The following URI1 variants were observed in gnomAD, a reference collection of about 807,000 sequenced individuals.
URI1 encodes URI1 prefoldin like chaperone.
A neutral mutation model predicts 60.2 loss-of-function variants in URI1; 39 were observed. The ratio of observed to expected loss-of-function variants is 0.65; its 90% CI spans 0.50 to 0.85. URI1 has a LOEUF of 0.85. Ranked by LOEUF, URI1 falls within the 40% of genes least tolerant of loss-of-function variation. The pLI is 0.00. For synonymous variants in URI1, 251 were observed against 236.8 expected, an observed-to-expected ratio of 1.06 and a Z score of -0.55; for missense variants, 691 against 665.9, an observed-to-expected ratio of 1.04 and a Z score of -0.42.
intron 4 of URI1, among the ~76,000 whole-genome samples, chr19:29,998,800 T>C (rs1424800141): frequency 6.6e-6 from 1 of 152,136 alleles, no homozygotes; most frequent in African/African-American, 2.4e-5. Flanking sequence ...GTTTAATCTG[T>C]TTACATGTAT....
intron 1 of URI1, among the ~76,000 whole-genome samples, chr19:29,937,147 G>C (rs2054980335): frequency 6.6e-6 from 1 of 152,146 alleles, no homozygotes; most frequent in Admixed American, 6.5e-5. Flanking sequence ...TGATTCTTCA[G>C]ATCAGCTTTT....
rs566713776 is a variant in URI1 at position 29,970,911 on chromosome 19, TATATC to T, written c.118-277_118-273del. On this transcript the variant is annotated intron_variant, in intron 1 of 10. Coordinates refer to ENST00000392271, the MANE Select transcript of URI1 (RefSeq NM_003796.3). ...AGATTGTACAAAATACTAGTTATCTTATATCATATGTCACCTAATAGTTATGAAGC... is the reference window on the plus strand; with the variant it reads ...AGATTGTACAAAATACTAGTTATCTTATATGTCACCTAATAGTTATGAAGC... Among the ~76,000 whole-genome samples, 14 of 152,224 alleles carry T rather than the reference TATATC, an allele frequency of 9.2e-5. No individual in the cohort carries two copies. In the South Asian group the frequency reaches 2.7e-3, roughly 29 times the overall value.
rs770271018 is a variant in URI1 at position 29,942,577 on chromosome 19, C to A, written c.30C>A (p.Pro10=). ...AGGCGCCCACCGTGGAGACGCCCCC[C>A]GACCCCTCGCCCCCTTCGGCCCCGG... MEAPTVETP[P]DPSPPSAPAP... The change falls in exon 1 of 11, where the codon CCC becomes CCA. Residue 10 remains proline (P), a synonymous_variant. Transcript: ENST00000392271. 47 of 1,425,868 alleles carry A rather than the reference C, an allele frequency of 3.3e-5. No individual in the cohort carries two copies. Among genetic ancestry groups the A allele is most frequent in the African/African-American group, 7.5e-5 (5 of 66,904 alleles). The allele number at this position is 1,425,868 out of a possible 1,614,324, so 88.3% of individuals were successfully genotyped here.
chr19:29,979,856 AT>A (rs1286629016), intron 2 of URI1, among the ~76,000 whole-genome samples: 1 of 152,316 alleles, frequency 6.6e-6, no homozygotes, highest in South Asian at 2.1e-4. Flanking sequence ...ATCAATTGAA[AT>A]TACTGAATAT....
rs552997704 is a variant in URI1, at chr19:29,974,325, G to A, written c.152+3098G>A. ...AAATAAAAAAAAAAGCCAGTGCTTT[G>A]TAAATATTCGTGAATATTTAGTGTT... On this transcript the variant is annotated intron_variant, in intron 2 of 10. Transcript: ENST00000392271. 3.2e-3 allele frequency among the ~76,000 whole-genome samples: 482 copies of A among 152,008 alleles called. 2 individuals are homozygous for A. Among genetic ancestry groups the A allele is most frequent in the Non-Finnish European group, 5.6e-3 (380 of 67,948 alleles).
Position 29,923,887 on chromosome 19 carries a change from G to A in URI1, c.63+133G>A. 5 of 901,040 alleles carry A rather than the reference G, an allele frequency of 5.5e-6. No homozygotes were observed. In the South Asian group the frequency reaches 8.4e-5, roughly 15 times the overall value. The allele number at this position is 901,040 out of a possible 1,614,324, so 55.8% of individuals were successfully genotyped here. ...AGATGGCGCTGTAGACATAGCTATAGACCTGGAAGAGGGGCTTTATAATGG... is the reference window on the plus strand; with the variant it reads ...AGATGGCGCTGTAGACATAGCTATAAACCTGGAAGAGGGGCTTTATAATGG... On this transcript the variant is annotated intron_variant, in intron 1 of 10. Transcript: ENST00000360605.
At chr19:30,013,940 A>G (rs772466554) in intron 10 of URI1, among the ~76,000 whole-genome samples, 1 of 152,014 alleles carries the variant, frequency 6.6e-6, no homozygotes, top group Non-Finnish European at 1.5e-5. Context: ...GGCTTTTTAA[A>G]TTATTTAGGT....
intron 2 of URI1, among the ~76,000 whole-genome samples, chr19:29,979,660 A>C (rs893028463): frequency 1.3e-5 from 2 of 152,114 alleles, no homozygotes; most frequent in Non-Finnish European, 2.9e-5. Context: ...TTATGTTTTT[A>C]TATGCGGGTT....
At chr19:30,014,527 C>G (rs933781124) in intron 10 of URI1, among the ~76,000 whole-genome samples, 13 of 152,102 alleles carry the variant, frequency 8.5e-5, no homozygotes, top group African/African-American at 1.2e-4. Context: ...AGTTTGACAC[C>G]CTAATAGCAT....
At chr19:29,936,013 C>T (rs1488257233) in intron 1 of URI1, among the ~76,000 whole-genome samples, 1 of 152,114 alleles carries the variant, frequency 6.6e-6, no homozygotes, top group African/African-American at 2.4e-5. Context: ...GTCTAGAATG[C>T]CTGACCTCAT....
intron 8 of URI1, 80 bp from the exon 9 acceptor site, chr19:30,011,014 A>T: frequency 6.9e-7 from 1 of 1,439,992 alleles, no homozygotes; most frequent in Non-Finnish European, 9.4e-7. Flanking sequence ...TTATTTTTTT[A>T]GTTATAGAGT....
At chr19:29,976,248 C>T (rs2055521579) in intron 2 of URI1, among the ~76,000 whole-genome samples, 1 of 152,162 alleles carries the variant, frequency 6.6e-6, no homozygotes, top group Admixed American at 6.5e-5. Flanking sequence ...AAACAACCAC[C>T]ATTTACTTGC....
chr19:29,983,856 GGTT>G, intron 2 of URI1, among the ~76,000 whole-genome samples: 1 of 152,222 alleles, frequency 6.6e-6, no homozygotes, highest in African/African-American at 2.4e-5. Context: ...TATACCTTTT[GGTT>G]GTTTGAAATT....
chr19:29,996,857 C>T (rs890703174), intron 4 of URI1, among the ~76,000 whole-genome samples: 2 of 151,480 alleles, frequency 1.3e-5, no homozygotes, highest in Non-Finnish European at 2.9e-5. Context: ...TGGATTCAAT[C>T]GAGATTACCA....
rs166731 is a variant in URI1, at chr19:30,015,209, C to A, written c.*140C>A. ...GGCAACAAGTTCTTTTACCCTTACCCGTGGTATTTGAAAAAAATCAAGGTA... is the reference window on the plus strand; with the variant it reads ...GGCAACAAGTTCTTTTACCCTTACCAGTGGTATTTGAAAAAAATCAAGGTA... On this transcript the variant is annotated 3_prime_UTR_variant, in exon 11 of 11. Transcript: ENST00000392271. 2.1e-3 allele frequency: 3,005 copies of A among 1,422,658 alleles called. 66 individuals are homozygous for A. In the African/African-American group the frequency reaches 0.039, roughly 19 times the overall value. 88.1% of individuals were successfully genotyped at this position (1,422,658 alleles called of 1,614,324 possible).
At position 30,015,568 on chromosome 19, in the gene URI1, C is replaced by T. The variant is rs1245205565; in HGVS notation, c.*499C>T. 51 of 1,534,518 alleles carry T rather than the reference C, an allele frequency of 3.3e-5. No individual in the cohort carries two copies. Among genetic ancestry groups the T allele is most frequent in the African/African-American group, 5.5e-5 (4 of 72,970 alleles). On this transcript the variant is annotated 3_prime_UTR_variant, in exon 11 of 11. Coordinates refer to ENST00000392271, the MANE Select transcript of URI1 (RefSeq NM_003796.3). ...GGCTAGTTGGCTATTCAAGAAACCTCGCCCCTCTGAATGTCATACTGTAAT... is the reference window on the plus strand; with the variant it reads ...GGCTAGTTGGCTATTCAAGAAACCTTGCCCCTCTGAATGTCATACTGTAAT...
At chr19:29,972,442 A>T (rs1271908412) in intron 2 of URI1, among the ~76,000 whole-genome samples, 1 of 152,136 alleles carries the variant, frequency 6.6e-6, no homozygotes, top group Non-Finnish European at 1.5e-5. Flanking sequence ...GGCCCATTTT[A>T]CAAATAATTT....
At chr19:29,970,680 G>A (rs905322558) in intron 1 of URI1, among the ~76,000 whole-genome samples, 1 of 152,050 alleles carries the variant, frequency 6.6e-6, no homozygotes, top group Non-Finnish European at 1.5e-5. Flanking sequence ...TCTTGAAAAT[G>A]TAGTAGAAAA....
chr19:29,964,439 TTCTTTTGTTTTTG>T (rs2055364121), intron 1 of URI1, among the ~76,000 whole-genome samples: 2 of 151,682 alleles, frequency 1.3e-5, no homozygotes, highest in Non-Finnish European at 2.9e-5. Flanking sequence ...CAGTGGTGGT[TTCTTTTGTTTTTG>T]TTTTTTGTTT....
Sources: allele counts gnomAD v4.1 joint callset (sites outside exome capture counted in the v4.1 genomes callset), GRCh38; gene constraint gnomAD v4.1.1; transcripts MANE v1.5; gene names NCBI Gene and HGNC (gene_info 2026-07-23, HGNC 2026-07-21).